GPRIN3: variants seen among roughly 807,000 people sequenced by gnomAD.
GPRIN3 encodes GPRIN family member 3.
In GPRIN3, 12 loss-of-function variants were observed where a neutral mutation model predicts 13.7. The observed-to-expected ratio is 0.87, with a 90% CI of 0.56 to 1.42. The LOEUF is 1.42. Among genes scored for constraint, GPRIN3 ranks in the 40% most tolerant of loss-of-function variants. The pLI, the probability that GPRIN3 is intolerant of heterozygous loss-of-function variation, is 0.00. For synonymous variants in GPRIN3, 377 were observed against 372.7 expected, an observed-to-expected ratio of 1.01 and a Z score of -0.13; for missense variants, 1,009 against 958.7, an observed-to-expected ratio of 1.05 and a Z score of -0.69.
In GPRIN3 at chr4:89,246,531, T is replaced by G. The variant is rs1372870110; in HGVS notation, c.*1249A>C. 6.6e-6 allele frequency: 1 copy of G among 152,194 alleles called. No homozygotes were observed. The highest frequency in any genetic ancestry group is 2.4e-5 in the African/African-American group (1 of 41,440). The allele number at this position is 152,194 out of a possible 1,614,324, so 9.4% of individuals were successfully genotyped here. On this transcript the variant is annotated 3_prime_UTR_variant, in exon 2 of 2. Coordinates refer to ENST00000609438, the MANE Select transcript of GPRIN3 (RefSeq NM_198281.3). Reference sequence around the variant, plus strand: ...TATAATCCACCCAAATCACAAGCCATGTTTTCGTAAAGGCCTCTTCTTTCA... The same window carrying G: ...TATAATCCACCCAAATCACAAGCCAGGTTTTCGTAAAGGCCTCTTCTTTCA...
At chr4:89,284,332 TC>T (rs1049570901) in intron 1 of GPRIN3, among the ~76,000 whole-genome samples, 2 of 152,186 alleles carry the variant, frequency 1.3e-5, no homozygotes, top group African/African-American at 4.8e-5. Context: ...TGGAAACATT[TC>T]ACTGTGTGAG....
chr4:89,271,065 G>A (rs1723937291), intron 1 of GPRIN3, among the ~76,000 whole-genome samples: 1 of 152,120 alleles, frequency 6.6e-6, no homozygotes, highest in South Asian at 2.1e-4. Context: ...ATACACCCCA[G>A]AGGTTAGCAA....
intron 1 of GPRIN3, among the ~76,000 whole-genome samples, chr4:89,252,519 A>G (rs1299268532): frequency 6.6e-6 from 1 of 152,208 alleles, no homozygotes; most frequent in Admixed American, 6.5e-5. Flanking sequence ...ATAATACATC[A>G]AACTGTATGA....
intron 1 of GPRIN3, among the ~76,000 whole-genome samples, chr4:89,280,931 G>A (rs1724229684): frequency 6.6e-6 from 1 of 152,096 alleles, no homozygotes; most frequent in Non-Finnish European, 1.5e-5. Context: ...GCTGAGACTG[G>A]GTAATTTATA....
At chr4:89,296,530 T>C (rs1724741823) in intron 1 of GPRIN3, among the ~76,000 whole-genome samples, 1 of 152,234 alleles carries the variant, frequency 6.6e-6, no homozygotes, top group Admixed American at 6.5e-5. Context: ...TGCTTAACTT[T>C]CATAAGTAAA....
Position 89,249,114 on chromosome 4 carries a change from C to A in GPRIN3, c.997G>T (p.Val333Phe). The part of the protein sequence containing the change: ...QAVASVESRS[V>F]STSPSILTAF... ...GTGAGGATACTGGGGCTGGTGGAGA[C>A]GGATCTGCTCTCGACACTCGCCACT... The change falls in exon 2 of 2, where the codon GTC becomes TTC. Residue 333 changes from valine (V) to phenylalanine (F), a missense_variant. Transcript: ENST00000609438. 1 of 1,614,172 alleles carries A rather than the reference C, an allele frequency of 6.2e-7. No individual in the cohort carries two copies. The highest frequency in any genetic ancestry group is 8.5e-7 in the Non-Finnish European group (1 of 1,180,026).
At chr4:89,257,935 A>C (rs781486044) in intron 1 of GPRIN3, among the ~76,000 whole-genome samples, 1 of 152,102 alleles carries the variant, frequency 6.6e-6, no homozygotes, top group Non-Finnish European at 1.5e-5. Context: ...TGAGAAGTTG[A>C]TGAAAACCAT....
At chr4:89,280,939 A>T (rs977440348) in intron 1 of GPRIN3, among the ~76,000 whole-genome samples, 5 of 152,156 alleles carry the variant, frequency 3.3e-5, no homozygotes, top group Admixed American at 1.3e-4. Context: ...TGGGTAATTT[A>T]TAAAGAAAAG....
At chr4:89,276,673 G>A (rs980448984) in intron 1 of GPRIN3, among the ~76,000 whole-genome samples, 1 of 152,218 alleles carries the variant, frequency 6.6e-6, no homozygotes, top group African/African-American at 2.4e-5. Flanking sequence ...AGAAGCTAGA[G>A]ACTATTATTC....
At chr4:89,282,687 CAA>C (rs1439223902) in intron 1 of GPRIN3, among the ~76,000 whole-genome samples, 1 of 150,548 alleles carries the variant, frequency 6.6e-6, no homozygotes, top group Non-Finnish European at 1.5e-5. Context: ...CCAGGGAAGC[CAA>C]AAGACTGGAC....
intron 1 of GPRIN3, among the ~76,000 whole-genome samples, chr4:89,263,332 G>A (rs1053860364): frequency 6.6e-6 from 1 of 152,134 alleles, no homozygotes; most frequent in Admixed American, 6.5e-5. Context: ...TTTCTGATTG[G>A]TATGTTCTCT....
intron 1 of GPRIN3, among the ~76,000 whole-genome samples, chr4:89,290,218 C>T (rs1351640070): frequency 6.6e-6 from 1 of 151,882 alleles, no homozygotes; most frequent in Non-Finnish European, 1.5e-5. Context: ...CATCCTCTTG[C>T]GTAGGCCTCC....
chr4:89,269,242 G>C (rs1314866045), intron 1 of GPRIN3, among the ~76,000 whole-genome samples: 1 of 152,124 alleles, frequency 6.6e-6, no homozygotes, highest in African/African-American at 2.4e-5. Flanking sequence ...GAATGGTCCT[G>C]CTGGGTTTCC....
At chr4:89,261,104 T>G (rs1462503850) in intron 1 of GPRIN3, among the ~76,000 whole-genome samples, 1 of 152,188 alleles carries the variant, frequency 6.6e-6, no homozygotes, top group Non-Finnish European at 1.5e-5. Context: ...TCCTAAGCTT[T>G]GTAAGACGTA....
At chr4:89,254,469 G>A (rs1723414797) in intron 1 of GPRIN3, among the ~76,000 whole-genome samples, 1 of 152,054 alleles carries the variant, frequency 6.6e-6, no homozygotes, top group African/African-American at 2.4e-5. Context: ...CCACTTAAAA[G>A]TGAAGTATTT....
chr4:89,278,069 A>C (rs1380444428), intron 1 of GPRIN3, among the ~76,000 whole-genome samples: 1 of 152,174 alleles, frequency 6.6e-6, no homozygotes, highest in Non-Finnish European at 1.5e-5. Flanking sequence ...CCTGAAACTC[A>C]GTGTCAGACA....
rs1049166219 is a variant in GPRIN3 at position 89,249,104 on chromosome 4, C to T, written c.1007G>A (p.Ser336Asn). The T allele has an allele frequency of 6.2e-7, 1 of 1,614,178 alleles. No homozygotes were observed. The highest frequency in any genetic ancestry group is 8.5e-7 in the Non-Finnish European group (1 of 1,180,022). ...CAGAAATGCAGTGAGGATACTGGGGCTGGTGGAGACGGATCTGCTCTCGAC... is the reference window on the plus strand; with the variant it reads ...CAGAAATGCAGTGAGGATACTGGGGTTGGTGGAGACGGATCTGCTCTCGAC... The part of the protein sequence containing the change: ...ASVESRSVST[S>N]PSILTAFLKE... The change falls in exon 2 of 2, where the codon AGC becomes AAC. Residue 336 changes from serine (S) to asparagine (N), a missense_variant. Ser to Asn is a conservative substitution (Grantham distance 46). Transcript: ENST00000609438.
chr4:89,306,064 T>A (rs950377797), intron 1 of GPRIN3, among the ~76,000 whole-genome samples: 1 of 152,170 alleles, frequency 6.6e-6, no homozygotes, highest in Admixed American at 6.6e-5. Context: ...TGCTGTTTTT[T>A]TTTTCTCTTT....
In GPRIN3 at chr4:89,249,089, G is replaced by A. The variant is rs1390312616; in HGVS notation, c.1022C>T (p.Thr341Ile). Reference sequence around the variant, plus strand: ...AGCACGGCTTTCCTTCAGAAATGCAGTGAGGATACTGGGGCTGGTGGAGAC... The same window carrying A: ...AGCACGGCTTTCCTTCAGAAATGCAATGAGGATACTGGGGCTGGTGGAGAC... ...RSVSTSPSIL[T>I]AFLKESRAPE... The change falls in exon 2 of 2, where the codon ACT becomes ATT. Residue 341 changes from threonine to isoleucine, a missense_variant. Physicochemically the swap from Thr to Ile is moderately conservative, Grantham distance 89 (BLOSUM62 -1). Transcript: ENST00000609438. 6.2e-7 allele frequency: 1 copy of A among 1,614,088 alleles called. No homozygotes were observed. Among genetic ancestry groups the A allele is most frequent in the Non-Finnish European group, 8.5e-7 (1 of 1,180,040 alleles).
Sources: allele counts gnomAD v4.1 joint callset (sites outside exome capture counted in the v4.1 genomes callset), GRCh38; gene constraint gnomAD v4.1.1; transcripts MANE v1.5; gene names NCBI Gene and HGNC (gene_info 2026-07-23, HGNC 2026-07-21).